The following DOCK9 variants were observed in gnomAD, a reference collection of about 807,000 sequenced individuals.
DOCK9 encodes dedicator of cytokinesis protein 9.
In DOCK9, 89 loss-of-function variants were observed where a neutral mutation model predicts 263.3. That is an observed-to-expected ratio of 0.34 (90% CI 0.28 to 0.40). DOCK9 has a LOEUF of 0.40. DOCK9 is among the 10% of genes least tolerant of loss of function. DOCK9 has a pLI of 1.00. For missense variants in DOCK9, 2,140 were observed against 2,603.4 expected (o/e 0.82, Z 3.87); for synonymous variants, 976 against 973.1 (o/e 1.00, Z -0.06).
chr13:98,929,416 G>A (rs7994550), intron 3 of DOCK9, among the ~76,000 whole-genome samples: 10,386 of 152,104 alleles, frequency 0.068, 582 homozygotes, highest in African/African-American at 0.16. Flanking sequence ...GGTGGTGCAC[G>A]CCTGTAATCC....
chr13:98,891,905 G>C (rs1406448835), intron 15 of DOCK9, among the ~76,000 whole-genome samples: 1 of 151,238 alleles, frequency 6.6e-6, no homozygotes, highest in Non-Finnish European at 1.5e-5. Context: ...TGGTTTATTA[G>C]ACATCAAACA....
At chr13:98,937,149 C>T (rs577920440) in intron 2 of DOCK9, among the ~76,000 whole-genome samples, 1 of 152,264 alleles carries the variant, frequency 6.6e-6, no homozygotes, top group East Asian at 1.9e-4. Context: ...AGTCCTATGT[C>T]TATGTTTGGA....
intron 1 of DOCK9, among the ~76,000 whole-genome samples, chr13:98,963,176 A>G (rs1043237040): frequency 2.0e-5 from 3 of 152,096 alleles, no homozygotes; most frequent in Non-Finnish European, 4.4e-5. Flanking sequence ...TACACCTCCC[A>G]TGGGGGCCAG....
Position 99,047,635 on chromosome 13 carries a change from C to T in DOCK9, c.129+38588G>A, listed in dbSNP as rs563221302. 1.6e-3 allele frequency among the ~76,000 whole-genome samples: 241 copies of T among 151,744 alleles called. 1 individual carries two copies. The highest frequency in any genetic ancestry group is 5.2e-3 in the African/African-American group (217 of 41,338). On this transcript the variant is annotated intron_variant, in intron 1 of 32. Transcript: ENST00000427887. ...CCACCTTCAAGCCATTCTCCTGCCT[C>T]AGCCTCCTGAGTAGCTGGGACTACA... is the stretch of plus-strand genomic sequence containing the variant.
At chr13:98,818,362 T>C (rs1192773947) in intron 45 of DOCK9, among the ~76,000 whole-genome samples, 2 of 152,182 alleles carry the variant, frequency 1.3e-5, no homozygotes, top group Non-Finnish European at 2.9e-5. Context: ...CATTGGAGCA[T>C]ATATGAATAA....
chr13:99,073,918 T>C lies in DOCK9; in HGVS notation c.129+12305A>G, dbSNP rs565184283. Among the ~76,000 whole-genome samples, 4 of 152,328 alleles carry C rather than the reference T, an allele frequency of 2.6e-5. No homozygotes were observed. The East Asian group carries it at 7.7e-4, about 29-fold the overall frequency. On this transcript the variant is annotated intron_variant, in intron 1 of 32. Coordinates refer to the DOCK9 transcript ENST00000427887. The stretch of plus-strand genomic sequence containing the variant: ...TTAAAGCCAAAACTCTTTCTAGAAT[T>C]ATCAAACCATCCTTTGCTGGCATTA...
At chr13:98,902,911 G>A in intron 11 of DOCK9, 61 bp downstream of exon 11, 1 of 1,400,118 alleles carries the variant, frequency 7.1e-7, no homozygotes, top group African/African-American at 1.5e-5. Context: ...GCACTGTAAA[G>A]GTACATCTGA....
chr13:99,015,530 G>A, intron 1 of DOCK9: 1 of 1,598,298 alleles, frequency 6.3e-7, no homozygotes, highest in Non-Finnish European at 8.5e-7. Flanking sequence ...TCTCCTTGCT[G>A]TTTGCACATA....
intron 1 of DOCK9, among the ~76,000 whole-genome samples, chr13:99,084,021 A>G (rs2042231374): frequency 6.6e-6 from 1 of 152,258 alleles, no homozygotes; most frequent in Admixed American, 6.5e-5. Flanking sequence ...CTAAGGACAG[A>G]TGCACAGACC....
chr13:99,021,163 T>C (rs924452888), intron 1 of DOCK9, among the ~76,000 whole-genome samples: 1 of 152,196 alleles, frequency 6.6e-6, no homozygotes, highest in Non-Finnish European at 1.5e-5. Context: ...TACCACATGC[T>C]CAATAAATGC....
At chr13:98,826,770 C>A in intron 44 of DOCK9, 60 bp downstream of exon 44, 1 of 1,367,750 alleles carries the variant, frequency 7.3e-7, no homozygotes, top group Non-Finnish European at 1.0e-6. Context: ...TCTCACTTGT[C>A]TGCTGCTTTG....
At chr13:98,834,852 C>T (rs1286230816) in intron 39 of DOCK9, among the ~76,000 whole-genome samples, 1 of 152,176 alleles carries the variant, frequency 6.6e-6, no homozygotes, top group Admixed American at 6.6e-5. Flanking sequence ...TTGATCTTTA[C>T]TCAACTCACT....
At chr13:98,890,152 T>C (rs1387937802) in intron 15 of DOCK9, among the ~76,000 whole-genome samples, 1 of 152,222 alleles carries the variant, frequency 6.6e-6, no homozygotes, top group Non-Finnish European at 1.5e-5. Context: ...CTGCATTAGA[T>C]ATTCCTAATA....
chr13:98,923,868 G>A (rs2052488689), intron 4 of DOCK9, among the ~76,000 whole-genome samples: 1 of 152,180 alleles, frequency 6.6e-6, no homozygotes, highest in South Asian at 2.1e-4. Flanking sequence ...TAATCATGGT[G>A]ACTGTTGTTA....
intron 45 of DOCK9, 92 bp downstream of exon 45, chr13:98,824,306 G>T: frequency 9.1e-7 from 1 of 1,099,594 alleles, no homozygotes; most frequent in Non-Finnish European, 1.4e-6. Flanking sequence ...GCTACAGGGA[G>T]GAAAAAGCCC....
chr13:98,901,700 T>A lies in DOCK9; in HGVS notation c.1503+78A>T, dbSNP rs2048304568. The A allele has an allele frequency of 3.4e-6, 5 of 1,479,506 alleles. No homozygotes were observed. In the Admixed American group the frequency reaches 1.1e-4, roughly 33 times the overall value. The allele number at this position is 1,479,506 out of a possible 1,614,324, so 91.6% of individuals were successfully genotyped here. A position where few individuals can be genotyped will look rare whatever the true frequency, so the allele number is the denominator to read the frequency against. On this transcript the variant is annotated intron_variant, in intron 13 of 52. Transcript: ENST00000682017. The stretch of plus-strand genomic sequence containing the variant: ...TAAATATGGCTTATGTTTGATTTCA[T>A]TAAGGATTTATAGTATCACATAAAG...
chr13:98,991,047 G>A (rs975262714), intron 1 of DOCK9, among the ~76,000 whole-genome samples: 18 of 151,558 alleles, frequency 1.2e-4, no homozygotes, highest in Admixed American at 5.9e-4. Context: ...ATGTCTGAAA[G>A]TGGACTAAAA....
intron 1 of DOCK9, among the ~76,000 whole-genome samples, chr13:99,032,269 G>A (rs1393579665): frequency 2.6e-5 from 4 of 152,014 alleles, no homozygotes; most frequent in East Asian, 1.9e-4. Flanking sequence ...TCAGGAGTTC[G>A]AAACCAGCCT....
At chr13:98,916,365 G>A (rs572944311) in intron 7 of DOCK9, among the ~76,000 whole-genome samples, 2 of 152,326 alleles carry the variant, frequency 1.3e-5, no homozygotes, top group East Asian at 1.9e-4. Context: ...CAGCTCTGAG[G>A]ATCATGGCAC....
Sources: allele counts gnomAD v4.1 joint callset (sites outside exome capture counted in the v4.1 genomes callset), GRCh38; gene constraint gnomAD v4.1.1; transcripts MANE v1.5; gene names NCBI Gene and HGNC (gene_info 2026-07-23, HGNC 2026-07-21).